The following TENM3 variants were observed in gnomAD, a reference collection of about 807,000 sequenced individuals.
The protein encoded by TENM3 is teneurin transmembrane protein 3.
TENM3 carries 63 observed loss-of-function variants against 255.1 expected under a neutral mutation model. That is an observed-to-expected ratio of 0.25 (90% CI 0.20 to 0.30). The LOEUF (loss-of-function observed/expected upper bound fraction) is 0.30, where lower values mean the gene tolerates loss of function less well. Among genes scored for constraint, TENM3 ranks in the 10% least tolerant of loss-of-function variants. The pLI is 1.00. For missense variants in TENM3, 2,929 were observed against 3,461.1 expected (o/e 0.85, Z 3.86); for synonymous variants, 1,306 against 1,322.3 (o/e 0.99, Z 0.27).
chr4:181,890,335 T>C, the TENM3 span, among the ~76,000 whole-genome samples: 1 of 152,152 alleles, frequency 6.6e-6, no homozygotes, highest in South Asian at 2.1e-4. Context: ...GGTTACCCGA[T>C]GGCCAGATAT....
At chr4:181,711,113 C>G in the TENM3 span, among the ~76,000 whole-genome samples, 1 of 152,122 alleles carries the variant, frequency 6.6e-6, no homozygotes, top group Non-Finnish European at 1.5e-5. Flanking sequence ...GCTAAAATAG[C>G]TACAAATTCA....
the TENM3 span, among the ~76,000 whole-genome samples, chr4:181,456,193 G>A: frequency 1.4e-4 from 17 of 119,934 alleles, no homozygotes; most frequent in East Asian, 3.5e-3. Context: ...ATATGTATAT[G>A]TGTATATATA....
chr4:182,736,718 C>G, intron 16 of TENM3, 90 bp from the exon 17 acceptor site: 2 of 1,256,882 alleles, frequency 1.6e-6, no homozygotes, highest in Non-Finnish European at 1.1e-6. Context: ...TCACTATTCA[C>G]AAATATAGTG....
At chr4:181,778,841 G>T in the TENM3 span, among the ~76,000 whole-genome samples, 1 of 152,050 alleles carries the variant, frequency 6.6e-6, no homozygotes, top group Non-Finnish European at 1.5e-5. Flanking sequence ...TCGCCCTCAG[G>T]TTGATGAATG....
chr4:182,187,534 G>A (rs999963578), intron 1 of TENM3, among the ~76,000 whole-genome samples: 2 of 152,104 alleles, frequency 1.3e-5, no homozygotes, highest in Non-Finnish European at 2.9e-5. Flanking sequence ...AGAAACCTTT[G>A]TGCCCCCCTC....
the TENM3 span, among the ~76,000 whole-genome samples, chr4:181,949,922 C>T: frequency 4.3e-3 from 659 of 152,274 alleles, 6 homozygotes; most frequent in African/African-American, 0.015. Flanking sequence ...CTCTGCACAG[C>T]CACCTCCTCG....
At chr4:181,929,872 C>T in the TENM3 span, among the ~76,000 whole-genome samples, 1 of 152,198 alleles carries the variant, frequency 6.6e-6, no homozygotes, top group Non-Finnish European at 1.5e-5. Flanking sequence ...GATTAAGAAA[C>T]CCATTCAAAA....
chr4:182,078,250 G>A, the TENM3 span, among the ~76,000 whole-genome samples: 22 of 152,232 alleles, frequency 1.4e-4, no homozygotes, highest in African/African-American at 5.1e-4. Flanking sequence ...ACAGCCGGGT[G>A]CAGTGGCTCA....
At chr4:181,921,348 G>C in the TENM3 span, among the ~76,000 whole-genome samples, 1 of 152,250 alleles carries the variant, frequency 6.6e-6, no homozygotes, top group African/African-American at 2.4e-5. Context: ...TTACGATATC[G>C]ATTCTTCCTA....
At chr4:182,781,335 C>T (rs376081848) in intron 24 of TENM3, among the ~76,000 whole-genome samples, 2 of 147,124 alleles carry the variant, frequency 1.4e-5, no homozygotes, top group Non-Finnish European at 3.0e-5. Flanking sequence ...TTGTCTTTGG[C>T]TCTGTTTATA....
At chr4:181,857,228 A>AT in the TENM3 span, among the ~76,000 whole-genome samples, 4 of 152,014 alleles carry the variant, frequency 2.6e-5, no homozygotes, top group Non-Finnish European at 4.4e-5. Flanking sequence ...TTGAAGAGAA[A>AT]TGTTTGAGAA....
chr4:182,402,487 A>G (rs752012685), intron 3 of TENM3, among the ~76,000 whole-genome samples: 39 of 152,200 alleles, frequency 2.6e-4, no homozygotes, highest in Non-Finnish European at 5.3e-4. Flanking sequence ...TTCTGGGCCA[A>G]CGTAGACGTA....
At chr4:182,761,262 T>G (rs147830364) in intron 22 of TENM3, among the ~76,000 whole-genome samples, 307 of 151,978 alleles carry the variant, frequency 2.0e-3, no homozygotes, top group African/African-American at 7.1e-3. Context: ...CTACTAGAAA[T>G]ACAAAAATTA....
At chr4:181,456,113 G>GTA in the TENM3 span, among the ~76,000 whole-genome samples, 2,454 of 79,536 alleles carry the variant, frequency 0.031, 45 homozygotes, top group Admixed American at 0.094. Context: ...GTGTGTGTGT[G>GTA]TATATATATA....
chr4:182,166,474 A>T (rs2149673216), intron 1 of TENM3, among the ~76,000 whole-genome samples: 1 of 152,232 alleles, frequency 6.6e-6, no homozygotes, highest in Non-Finnish European at 1.5e-5. Context: ...GGCATCATCA[A>T]CTGGTGTAGA....
the TENM3 span, among the ~76,000 whole-genome samples, chr4:182,059,745 C>CAAAA: frequency 2.3e-5 from 1 of 43,158 alleles, no homozygotes; most frequent in African/African-American, 9.6e-5. Flanking sequence ...TCTGTCTCTA[C>CAAAA]AAAAAAAAAA....
chr4:181,589,732 A>G, the TENM3 span, among the ~76,000 whole-genome samples: 88 of 152,334 alleles, frequency 5.8e-4, 1 homozygote, highest in Admixed American at 4.1e-3. Context: ...TCACTTATGT[A>G]CTGAATCCAA....
the TENM3 span, among the ~76,000 whole-genome samples, chr4:181,786,061 C>T: frequency 2.6e-5 from 4 of 152,112 alleles, no homozygotes; most frequent in Admixed American, 6.6e-5. Flanking sequence ...TGATTCCATA[C>T]GCAAGCCAAA....
chr4:182,481,020 C>G (rs145956255), intron 3 of TENM3, among the ~76,000 whole-genome samples: 1,691 of 145,252 alleles, frequency 0.012, 37 homozygotes, highest in African/African-American at 0.04. Flanking sequence ...TTCTTTCTTT[C>G]TTTCTTTTTT....
Sources: gnomAD v4.1 joint callset for allele counts (sites outside exome capture counted in the v4.1 genomes callset) on GRCh38, gnomAD v4.1.1 for gene constraint, MANE v1.5 for transcripts, NCBI Gene and HGNC (gene_info 2026-07-23, HGNC 2026-07-21) for gene names.